TSHZ2: variants seen among roughly 807,000 people sequenced by gnomAD.
The protein encoded by TSHZ2 is teashirt zinc finger homeobox 2.
TSHZ2 carries 21 observed loss-of-function variants against 74.4 expected under a neutral mutation model. That is an observed-to-expected ratio of 0.28 (90% CI 0.20 to 0.41). The LOEUF is 0.41. TSHZ2 is among the 10% of genes least tolerant of loss of function. The pLI, the probability that TSHZ2 is intolerant of heterozygous loss-of-function variation, is 1.00. For synonymous variants in TSHZ2, 540 were observed against 515.3 expected (o/e 1.05, Z -0.65); for missense variants, 1,244 against 1,293.5 (o/e 0.96, Z 0.59).
chr20:53,066,378 C>A (rs560613392), intron 1 of TSHZ2, among the ~76,000 whole-genome samples: 4 of 152,238 alleles, frequency 2.6e-5, no homozygotes, highest in African/African-American at 4.8e-5. Context: ...CCCCACCCCC[C>A]ACAATTTTCA....
At chr20:53,221,157 C>T (rs1600749655) in intron 1 of TSHZ2, among the ~76,000 whole-genome samples, 1 of 152,176 alleles carries the variant, frequency 6.6e-6, no homozygotes, top group Admixed American at 6.5e-5. Context: ...CTTATTCTCA[C>T]CTTGCCAGCC....
At chr20:53,313,034 T>C (rs1978856540) in intron 2 of TSHZ2, among the ~76,000 whole-genome samples, 1 of 152,236 alleles carries the variant, frequency 6.6e-6, no homozygotes. Context: ...GTCCAAATAT[T>C]ATGCTGTTTG....
chr20:53,106,613 C>T (rs1986379846), intron 1 of TSHZ2, among the ~76,000 whole-genome samples: 1 of 150,994 alleles, frequency 6.6e-6, no homozygotes, highest in East Asian at 2.0e-4. Context: ...ACCATGTTAG[C>T]CAGGAGGGTC....
chr20:53,417,221 TACAGAC>T (rs957238209), intron 2 of TSHZ2, among the ~76,000 whole-genome samples: 36 of 146,292 alleles, frequency 2.5e-4, no homozygotes, highest in Non-Finnish European at 3.7e-4. Context: ...GATATCTATA[TACAGAC>T]ACAGACACAC....
At chr20:53,457,813 T>A (rs1325994058) in intron 2 of TSHZ2, among the ~76,000 whole-genome samples, 1 of 151,998 alleles carries the variant, frequency 6.6e-6, no homozygotes, top group Non-Finnish European at 1.5e-5. Context: ...TCTATTGAGA[T>A]AATCATGTGG....
intron 2 of TSHZ2, among the ~76,000 whole-genome samples, chr20:53,406,778 C>T (rs757005240): frequency 1.3e-5 from 2 of 152,036 alleles, no homozygotes; most frequent in Admixed American, 6.6e-5. Flanking sequence ...TAAAACATGG[C>T]GTGGGGATTG....
rs1180982780 is a variant in TSHZ2 at position 53,495,323 on chromosome 20, T to C, written c.*8188T>C. On this transcript the variant is annotated 3_prime_UTR_variant, in exon 3 of 3. Coordinates refer to ENST00000371497, the MANE Select transcript of TSHZ2 (RefSeq NM_173485.6). Reference sequence around the variant, plus strand: ...TTAATAAATCTGTAATGACATTTGATGGATTGATTTCTGCCTATGTGTGTT... The same window carrying C: ...TTAATAAATCTGTAATGACATTTGACGGATTGATTTCTGCCTATGTGTGTT... The C allele has an allele frequency of 1.3e-5, 2 of 152,104 alleles. No homozygotes were observed. The highest frequency in any genetic ancestry group is 4.8e-5 in the African/African-American group (2 of 41,418). 9.4% of individuals were successfully genotyped at this position (152,104 alleles called of 1,614,324 possible). A position where few individuals can be genotyped will look rare whatever the true frequency, so the allele number is the denominator to read the frequency against.
At chr20:53,344,045 C>A (rs928610657) in intron 2 of TSHZ2, among the ~76,000 whole-genome samples, 2 of 152,142 alleles carry the variant, frequency 1.3e-5, no homozygotes, top group African/African-American at 4.8e-5. Flanking sequence ...TGTTCTCAAG[C>A]AAAATTTAAA....
At chr20:53,014,117 G>A (rs930456598) in intron 1 of TSHZ2, among the ~76,000 whole-genome samples, 1 of 152,230 alleles carries the variant, frequency 6.6e-6, no homozygotes, top group Admixed American at 6.5e-5. Context: ...GAAAGTTCAT[G>A]ATCAAGGTGC....
rs576780549 is a variant in TSHZ2, at chr20:53,435,652, T to C, written c.*9-51492T>C. Among the ~76,000 whole-genome samples, 24 of 152,318 alleles carry C rather than the reference T, an allele frequency of 1.6e-4. 1 individual carries two copies. The highest frequency in any genetic ancestry group is 3.4e-4 in the Non-Finnish European group (23 of 68,022). On this transcript the variant is annotated intron_variant, in intron 2 of 2. Transcript: ENST00000371497. ...CCTCAGCCTCCTGAGTAGCTGGGATTACAGGCGCGTGTCACCACGCCTGGC... is the reference window on the plus strand; with the variant it reads ...CCTCAGCCTCCTGAGTAGCTGGGATCACAGGCGCGTGTCACCACGCCTGGC...
At chr20:53,302,454 C>A (rs1029980560) in intron 2 of TSHZ2, among the ~76,000 whole-genome samples, 2 of 152,146 alleles carry the variant, frequency 1.3e-5, no homozygotes, top group African/African-American at 4.8e-5. Context: ...GGAGATGGAA[C>A]ACTTTTGGTC....
At chr20:53,262,104 G>T (rs1251875554) in intron 2 of TSHZ2, among the ~76,000 whole-genome samples, 1 of 152,062 alleles carries the variant, frequency 6.6e-6, no homozygotes, top group African/African-American at 2.4e-5. Context: ...AAGGCCTCTA[G>T]TAAGTAAACA....
intron 1 of TSHZ2, among the ~76,000 whole-genome samples, chr20:53,235,455 C>A (rs1176267820): frequency 6.6e-6 from 1 of 152,168 alleles, no homozygotes; most frequent in Admixed American, 6.5e-5. Flanking sequence ...CAGGTGCGAG[C>A]CACCACCCCT....
At chr20:53,072,798 T>C (rs2123202508) in intron 1 of TSHZ2, among the ~76,000 whole-genome samples, 1 of 152,118 alleles carries the variant, frequency 6.6e-6, no homozygotes, top group East Asian at 1.9e-4. Context: ...TACTGGGGGG[T>C]CGAGGCAGGT....
At chr20:53,378,472 A>AG (rs1981742039) in intron 2 of TSHZ2, among the ~76,000 whole-genome samples, 2 of 151,890 alleles carry the variant, frequency 1.3e-5, no homozygotes, top group South Asian at 4.2e-4. Flanking sequence ...AGAAAAAAAA[A>AG]CTCTTCAAAT....
At chr20:53,070,996 TG>T (rs1401925485) in intron 1 of TSHZ2, among the ~76,000 whole-genome samples, 8 of 152,210 alleles carry the variant, frequency 5.3e-5, no homozygotes, top group Non-Finnish European at 5.9e-5. Flanking sequence ...GTTTGAGGGA[TG>T]GGGAAGTTTC....
chr20:53,382,319 A>T (rs1981889602), intron 2 of TSHZ2, among the ~76,000 whole-genome samples: 1 of 152,134 alleles, frequency 6.6e-6, no homozygotes, highest in African/African-American at 2.4e-5. Context: ...GTTCCTCCGA[A>T]TCTGTTGTGA....
At chr20:53,096,604 C>T (rs1350644592) in intron 1 of TSHZ2, among the ~76,000 whole-genome samples, 2 of 151,456 alleles carry the variant, frequency 1.3e-5, no homozygotes, top group Non-Finnish European at 2.9e-5. Context: ...TTTTCTCGGC[C>T]AGGCGCGGTG....
intron 2 of TSHZ2, among the ~76,000 whole-genome samples, chr20:53,485,389 CAT>C (rs932026597): frequency 3.3e-5 from 5 of 152,104 alleles, no homozygotes; most frequent in African/African-American, 1.2e-4. Context: ...ATATAGTCAG[CAT>C]ATATAACTAT....
Sources: gnomAD v4.1 joint callset for allele counts (sites outside exome capture counted in the v4.1 genomes callset) on GRCh38, gnomAD v4.1.1 for gene constraint, MANE v1.5 for transcripts, NCBI Gene and HGNC (gene_info 2026-07-23, HGNC 2026-07-21) for gene names.